Variants in EPHA5 observed in about 807,000 individuals in gnomAD.
The protein encoded by EPHA5 is EPH receptor A5, also known as ephrin type-A receptor 5.
A neutral mutation model predicts 105.0 loss-of-function variants in EPHA5; 60 were observed. The observed-to-expected ratio is 0.57, with a 90% CI of 0.46 to 0.71. The LOEUF (loss-of-function observed/expected upper bound fraction) is 0.71. Among genes scored for constraint, EPHA5 ranks in the 30% least tolerant of loss-of-function variants. EPHA5 has a pLI of 0.00. For synonymous variants in EPHA5, 513 were observed against 449.1 expected (o/e 1.14, Z -1.80); for missense variants, 1,218 against 1,274.7 (o/e 0.96, Z 0.68).
chr4:65,522,839 A>G (rs1172379206), intron 3 of EPHA5, among the ~76,000 whole-genome samples: 4 of 151,972 alleles, frequency 2.6e-5, no homozygotes, highest in African/African-American at 9.7e-5. Flanking sequence ...ATGGTTCAAT[A>G]TCACTTATAC....
chr4:65,650,647 G>A (rs1331832938), intron 1 of EPHA5, among the ~76,000 whole-genome samples: 1 of 150,890 alleles, frequency 6.6e-6, no homozygotes, highest in African/African-American at 2.4e-5. Flanking sequence ...GCCCCACATT[G>A]AATCATTGAC....
chr4:65,326,770 A>G (rs1720118109), intron 16 of EPHA5, among the ~76,000 whole-genome samples: 1 of 151,340 alleles, frequency 6.6e-6, no homozygotes, highest in African/African-American at 2.4e-5. Flanking sequence ...AGATTGGGAA[A>G]TATGGTTGTA....
chr4:65,405,856 C>T (rs1202447602), intron 7 of EPHA5, among the ~76,000 whole-genome samples: 3 of 151,866 alleles, frequency 2.0e-5, no homozygotes, highest in African/African-American at 7.2e-5. Context: ...CTTTATTAAT[C>T]TCTAAACTCA....
chr4:65,379,151 G>A (rs1719308604), intron 8 of EPHA5, among the ~76,000 whole-genome samples: 2 of 151,804 alleles, frequency 1.3e-5, no homozygotes, highest in South Asian at 4.1e-4. Flanking sequence ...CATAGAATTT[G>A]TCTAACACTT....
In EPHA5 at chr4:65,375,464, C is replaced by T. The variant is rs568684559; in HGVS notation, c.1794-8040G>A. ...TCTATTTTCCTTCTTTTATTCTATT[C>T]GTTTTATAAACCACCTGAAGCCAAA... is the stretch of plus-strand genomic sequence containing the variant. On this transcript the variant is annotated intron_variant, in intron 8 of 16. Transcript: ENST00000613740. 3.6e-4 allele frequency among the ~76,000 whole-genome samples: 55 copies of T among 151,726 alleles called. No homozygotes were observed. The East Asian group carries it at 9.5e-3, about 26-fold the overall frequency.
intron 3 of EPHA5, among the ~76,000 whole-genome samples, chr4:65,561,182 A>G (rs926237315): frequency 3.3e-5 from 5 of 151,866 alleles, no homozygotes; most frequent in African/African-American, 1.2e-4. Flanking sequence ...CAAAAAACAC[A>G]AACATTAAAA....
intron 7 of EPHA5, among the ~76,000 whole-genome samples, chr4:65,409,680 T>C (rs1578047366): frequency 2.6e-5 from 4 of 152,164 alleles, no homozygotes; most frequent in African/African-American, 9.7e-5. Context: ...CTCACAGCAA[T>C]AGGTATCTAT....
At chr4:65,468,494 T>TAC (rs925360520) in intron 5 of EPHA5, among the ~76,000 whole-genome samples, 10 of 142,576 alleles carry the variant, frequency 7.0e-5, no homozygotes, top group African/African-American at 7.7e-5. Context: ...ATGGTATGTA[T>TAC]ACACACACAC....
chr4:65,337,073 A>G (rs1721256809), intron 14 of EPHA5, among the ~76,000 whole-genome samples: 1 of 152,090 alleles, frequency 6.6e-6, no homozygotes, highest in Non-Finnish European at 1.5e-5. Flanking sequence ...AGATAATTTT[A>G]ATTTTTTTTT....
At chr4:65,489,060 T>A (rs9990535) in intron 5 of EPHA5, among the ~76,000 whole-genome samples, 23,301 of 125,542 alleles carry the variant, frequency 0.19, 2,313 homozygotes, top group East Asian at 0.51. Flanking sequence ...TAATTTTTTT[T>A]ATTATTATTT....
At chr4:65,618,811 T>G (rs1173812543) in intron 2 of EPHA5, among the ~76,000 whole-genome samples, 1 of 152,198 alleles carries the variant, frequency 6.6e-6, no homozygotes, top group Non-Finnish European at 1.5e-5. Context: ...ATGAGTAAAA[T>G]ACATCCTTGT....
rs543984095 is a variant in EPHA5 at position 65,493,275 on chromosome 4, T to G, written c.1066+2113A>C. ...TATGATGCGTCAACCAAAGTAGAAC[T>G]GTGAGACTAACCTTTAATTTAAGCA... On this transcript the variant is annotated intron_variant, in intron 4 of 16. Coordinates refer to ENST00000613740, the MANE Select transcript of EPHA5 (RefSeq NM_001281766.3). Among the ~76,000 whole-genome samples, 6 of 152,322 alleles carry G rather than the reference T, an allele frequency of 3.9e-5. No individual in the cohort carries two copies. In the South Asian group the frequency reaches 1.0e-3, roughly 26 times the overall value.
intron 5 of EPHA5, among the ~76,000 whole-genome samples, chr4:65,443,753 A>G (rs1255811046): frequency 6.6e-6 from 1 of 152,166 alleles, no homozygotes; most frequent in Non-Finnish European, 1.5e-5. Flanking sequence ...TCTCCTTTGC[A>G]TTCTCTCTTA....
chr4:65,588,571 C>T (rs536495960), intron 3 of EPHA5, among the ~76,000 whole-genome samples: 1 of 152,248 alleles, frequency 6.6e-6, no homozygotes, highest in South Asian at 2.1e-4. Flanking sequence ...TCGGATTTTT[C>T]ACCCAATTCT....
At chr4:65,641,069 A>G (rs552092803) in intron 2 of EPHA5, among the ~76,000 whole-genome samples, 1 of 152,290 alleles carries the variant, frequency 6.6e-6, no homozygotes, top group Admixed American at 6.5e-5. Context: ...TGAAATCAAG[A>G]GTGTCTTACA....
At chr4:65,495,345 C>G (rs377689730) in intron 4 of EPHA5, 43 bp downstream of exon 4, 2 of 1,585,400 alleles carry the variant, frequency 1.3e-6, no homozygotes. Flanking sequence ...TTCCTCAAAA[C>G]TGGTTAAAGT....
intron 7 of EPHA5, among the ~76,000 whole-genome samples, chr4:65,406,598 T>G (rs1722380612): frequency 6.6e-6 from 1 of 152,104 alleles, no homozygotes; most frequent in South Asian, 2.1e-4. Flanking sequence ...GTATTTTTGT[T>G]TTTTATCCTC....
intron 5 of EPHA5, among the ~76,000 whole-genome samples, chr4:65,467,293 T>C (rs2149148618): frequency 6.6e-6 from 1 of 152,256 alleles, no homozygotes; most frequent in South Asian, 2.1e-4. Flanking sequence ...TGATTAAAGG[T>C]ATTCCAACAG....
At chr4:65,637,475 A>C (rs1747236405) in intron 2 of EPHA5, among the ~76,000 whole-genome samples, 1 of 150,732 alleles carries the variant, frequency 6.6e-6, no homozygotes, top group African/African-American at 2.4e-5. Context: ...TGAAATATCC[A>C]ATTAACAGAA....
Sources: gnomAD v4.1 joint callset for allele counts (sites outside exome capture counted in the v4.1 genomes callset) on GRCh38, gnomAD v4.1.1 for gene constraint, MANE v1.5 for transcripts, NCBI Gene and HGNC (gene_info 2026-07-23, HGNC 2026-07-21) for gene names.